Variants in PPIL4 observed in about 807,000 individuals in gnomAD.
PPIL4 encodes peptidylprolyl isomerase like 4.
A neutral mutation model predicts 69.1 loss-of-function variants in PPIL4; 50 were observed. The observed-to-expected ratio is 0.72, with a 90% confidence interval of 0.58 to 0.92. The LOEUF is 0.92. PPIL4 is among the 40% of genes least tolerant of loss of function. The pLI, the probability that PPIL4 is intolerant of heterozygous loss-of-function variation, is 0.00. For synonymous variants in PPIL4, 193 were observed against 191.6 expected (o/e 1.01, Z -0.06); for missense variants, 480 against 587.9 (o/e 0.82, Z 1.90).
intron 10 of PPIL4, among the ~76,000 whole-genome samples, chr6:149,518,858 T>C (rs944593029): frequency 6.6e-6 from 1 of 152,210 alleles, no homozygotes; most frequent in East Asian, 1.9e-4. Context: ...ATTTACATTA[T>C]CTTCATTTAT....
In PPIL4 at chr6:149,534,783, A is replaced by G. The variant is rs1353237410; in HGVS notation, c.465-9T>C. The G allele has an allele frequency of 2.8e-6, 4 of 1,409,178 alleles. No homozygotes were observed. In the African/African-American group the frequency reaches 4.3e-5, roughly 15 times the overall value. The allele number at this position is 1,409,178 out of a possible 1,614,324, so 87.3% of individuals were successfully genotyped here. ...TCACCGTATGATTTATCCTTACAAA[A>G]TAAATCCAAATCAAATGTTATACAT... On this transcript the variant is annotated splice_polypyrimidine_tract_variant and intron_variant, in intron 5 of 12. Coordinates refer to ENST00000253329, the MANE Select transcript of PPIL4 (RefSeq NM_139126.4).
chr6:149,543,842 T>C (rs1287118464), intron 1 of PPIL4, among the ~76,000 whole-genome samples: 1 of 152,234 alleles, frequency 6.6e-6, no homozygotes, highest in Non-Finnish European at 1.5e-5. Context: ...GCTGGTCATG[T>C]GGACATGAGA....
intron 8 of PPIL4, among the ~76,000 whole-genome samples, chr6:149,526,002 G>A (rs1459082649): frequency 1.3e-5 from 2 of 152,162 alleles, no homozygotes; most frequent in African/African-American, 4.8e-5. Flanking sequence ...AGGAGGCTGA[G>A]GCAGAAGAAT....
At chr6:149,531,251 G>C (rs1163336109) in intron 7 of PPIL4, among the ~76,000 whole-genome samples, 1 of 151,552 alleles carries the variant, frequency 6.6e-6, no homozygotes, top group Non-Finnish European at 1.5e-5. Context: ...TGTAATCCCA[G>C]CTACTCGGGA....
intron 7 of PPIL4, 30 bp downstream of exon 7, chr6:149,533,428 G>A: frequency 8.4e-7 from 1 of 1,188,850 alleles, no homozygotes; most frequent in Non-Finnish European, 1.3e-6. Context: ...ATATATTACA[G>A]AACAATTTGA....
chr6:149,511,118 C>A (rs1018745460), intron 12 of PPIL4, among the ~76,000 whole-genome samples: 1 of 151,978 alleles, frequency 6.6e-6, no homozygotes, highest in African/African-American at 2.4e-5. Flanking sequence ...ACATTCTCAC[C>A]ATCTTAAATT....
chr6:149,534,763 G>A lies in PPIL4; in HGVS notation c.476C>T (p.Thr159Met), dbSNP rs778834268. The A allele has an allele frequency of 7.8e-6, 12 of 1,545,644 alleles. No homozygotes were observed. Among genetic ancestry groups the A allele is most frequent in the East Asian group, 4.5e-5 (2 of 44,236 alleles). The change falls in exon 6 of 13, where the codon ACG becomes ATG. Residue 159 changes from threonine (T) to methionine (M), a missense_variant. Transcript: ENST00000253329. ...VPYQDIRINH[T>M]VILDDPFDDP... is the part of the protein sequence containing the mutation. ...ATCAAATGGATCATCTAAAATCACCGTATGATTTATCCTTACAAAATAAAT... is the reference window on the plus strand; with the variant it reads ...ATCAAATGGATCATCTAAAATCACCATATGATTTATCCTTACAAAATAAAT...
At chr6:149,525,114 A>G in intron 9 of PPIL4, 29 bp downstream of exon 9, 2 of 1,197,842 alleles carry the variant, frequency 1.7e-6, no homozygotes, top group Non-Finnish European at 2.4e-6. Flanking sequence ...GCAAATAAAT[A>G]CCAAACTTAT....
At chr6:149,537,773 G>A (rs1777300152) in intron 4 of PPIL4, among the ~76,000 whole-genome samples, 1 of 152,056 alleles carries the variant, frequency 6.6e-6, no homozygotes, top group South Asian at 2.1e-4. Context: ...ACAAAGCTTG[G>A]ATGACAGCAC....
rs1312237591 is a variant in PPIL4, at chr6:149,504,548, AG to A, written c.*904del. On this transcript the variant is annotated 3_prime_UTR_variant, in exon 13 of 13. Transcript: ENST00000253329. The stretch of plus-strand genomic sequence containing the variant: ...GTGACAGAAAACCTTAAAAGCAGCC[AG>A]GAAAAAAATGACATCTTACACATGG... 6.6e-6 allele frequency among the ~76,000 whole-genome samples: 1 copy of A among 152,238 alleles called. No individual in the cohort carries two copies. The highest frequency in any genetic ancestry group is 1.5e-5 in the Non-Finnish European group (1 of 68,038).
chr6:149,536,960 C>T lies in PPIL4; in HGVS notation c.322-1222G>A, dbSNP rs546506811. ...GACCAACATGGTGAAACCCTGTCTC[C>T]ACTAAAAATACAAAAGTTAGCCAGG... On this transcript the variant is annotated intron_variant, in intron 4 of 12. Transcript: ENST00000253329. Among the ~76,000 whole-genome samples the T allele has an allele frequency of 4.6e-5, 7 of 151,690 alleles. No homozygotes were observed. The South Asian group carries it at 1.5e-3, about 32-fold the overall frequency.
intron 7 of PPIL4, among the ~76,000 whole-genome samples, chr6:149,531,349 GC>G (rs1777193852): frequency 7.1e-6 from 1 of 139,918 alleles, no homozygotes; most frequent in Non-Finnish European, 1.5e-5. Flanking sequence ...TGATAACAGA[GC>G]GAGATTCTGT....
chr6:149,508,126 C>A (rs142047497), intron 12 of PPIL4, among the ~76,000 whole-genome samples: 211 of 152,290 alleles, frequency 1.4e-3, no homozygotes, highest in African/African-American at 4.8e-3. Context: ...AATAGGGAAA[C>A]TGAGACTCAA....
Position 149,512,272 on chromosome 6 carries a change from C to G in PPIL4, c.1110G>C (p.Gln370His). The G allele has an allele frequency of 6.2e-7, 1 of 1,612,838 alleles. No individual in the cohort carries two copies. Among genetic ancestry groups the G allele is most frequent in the Non-Finnish European group, 8.5e-7 (1 of 1,179,162 alleles). ...AGTGACTTGATTTTGAGTCTTCGGC[C>G]TGCTCATCTAATATAAGATCGTATT... ...DTKYDLILDE[Q>H]AEDSKSSHSH... The change falls in exon 12 of 13, where the codon CAG becomes CAC. Residue 370 changes from glutamine to histidine, a missense_variant. Physicochemically the swap from Gln to His is conservative, Grantham distance 24. Coordinates refer to ENST00000253329, the MANE Select transcript of PPIL4 (RefSeq NM_139126.4).
rs1475838900 is a variant in PPIL4 at position 149,525,109 on chromosome 6, T to G, written c.870+34A>C. On this transcript the variant is annotated intron_variant, in intron 9 of 12. Transcript: ENST00000253329. ...CATTTTAATACCATATAAAAGCAAA[T>G]AAATACCAAACTTATGTCTGTATTA... is the stretch of plus-strand genomic sequence containing the variant. 2.6e-6 allele frequency: 3 copies of G among 1,153,706 alleles called. No individual in the cohort carries two copies. The South Asian group carries it at 4.2e-5, about 16-fold the overall frequency. The allele number at this position is 1,153,706 out of a possible 1,614,324, so 71.5% of individuals were successfully genotyped here. A position where few individuals can be genotyped will look rare whatever the true frequency, so the allele number is the denominator to read the frequency against.
chr6:149,533,266 T>C (rs1350952918), intron 7 of PPIL4, among the ~76,000 whole-genome samples, 192 bp downstream of exon 7: 1 of 152,232 alleles, frequency 6.6e-6, no homozygotes, highest in Non-Finnish European at 1.5e-5. Context: ...CACTTAGCAC[T>C]ATATTGACAG....
chr6:149,522,540 G>A (rs1777044291), intron 9 of PPIL4, among the ~76,000 whole-genome samples: 1 of 152,190 alleles, frequency 6.6e-6, no homozygotes, highest in Non-Finnish European at 1.5e-5. Context: ...GTACTACAGA[G>A]CTGTGGGGCA....
At chr6:149,541,149 T>C (rs1777353749) in intron 3 of PPIL4, 90 bp from the exon 4 acceptor site, 1 of 685,848 alleles carries the variant, frequency 1.5e-6, no homozygotes. Context: ...ATTATTTCTT[T>C]ACAGAAATGC....
intron 10 of PPIL4, among the ~76,000 whole-genome samples, chr6:149,519,762 T>C (rs543613584): frequency 1.3e-5 from 2 of 152,334 alleles, no homozygotes; most frequent in East Asian, 1.9e-4. Flanking sequence ...ATAGTGTTTT[T>C]CTTTCTTACT....
Sources: allele counts gnomAD v4.1 joint callset (sites outside exome capture counted in the v4.1 genomes callset), GRCh38; gene constraint gnomAD v4.1.1; transcripts MANE v1.5; gene names NCBI Gene and HGNC (gene_info 2026-07-23, HGNC 2026-07-21).